Variants in CACNA1B observed in about 807,000 individuals in gnomAD.
CACNA1B encodes calcium voltage-gated channel subunit alpha1 B.
CACNA1B carries 70 observed loss-of-function variants against 247.2 expected under a neutral mutation model. That is an observed-to-expected ratio of 0.28 (90% CI 0.23 to 0.35). The LOEUF is 0.35. Ranked by LOEUF, CACNA1B falls within the 10% of genes least tolerant of loss-of-function variation. The probability of loss-of-function intolerance (pLI) is 1.00; values close to 1 mark genes in which losing one functional copy is unlikely to be tolerated. For missense variants in CACNA1B, 2,367 were observed against 3,197.4 expected (o/e 0.74, Z 6.26); for synonymous variants, 1,231 against 1,294.4 (o/e 0.95, Z 1.05).
At chr9:137,878,339 G>C (rs922232925) in intron 1 of CACNA1B, 122 bp downstream of exon 1, 1 of 895,000 alleles carries the variant, frequency 1.1e-6, no homozygotes. Flanking sequence ...ACGGGCGAGG[G>C]GGGTACGGAG....
At chr9:137,953,967 A>C (rs1410442515) in intron 7 of CACNA1B, among the ~76,000 whole-genome samples, 1 of 152,112 alleles carries the variant, frequency 6.6e-6, no homozygotes, top group South Asian at 2.1e-4. Flanking sequence ...GCAGGAGAGC[A>C]GCCTGCTCAG....
rs551169685 is a variant in CACNA1B at position 137,959,889 on chromosome 9, C to T, written c.1333+2202C>T. Among the ~76,000 whole-genome samples, 53 of 152,226 alleles carry T rather than the reference C, an allele frequency of 3.5e-4. 2 individuals are homozygous for T. The South Asian group carries it at 0.011, about 32-fold the overall frequency. ...AAATAAGATAGTAAGGAAAATAGGC[C>T]GCATGCCAGAGCCCCTGTCCGGAGG... On this transcript the variant is annotated intron_variant, in intron 10 of 46. Coordinates refer to ENST00000371372, the MANE Select transcript of CACNA1B (RefSeq NM_000718.4).
At chr9:137,898,303 G>A (rs1957194655) in intron 3 of CACNA1B, among the ~76,000 whole-genome samples, 1 of 152,108 alleles carries the variant, frequency 6.6e-6, no homozygotes, top group Non-Finnish European at 1.5e-5. Context: ...TTATCTTTGA[G>A]TTGATCCTGT....
intron 37 of CACNA1B, among the ~76,000 whole-genome samples, chr9:138,097,877 G>A (rs1232306626): frequency 6.6e-6 from 1 of 152,196 alleles, no homozygotes; most frequent in Non-Finnish European, 1.5e-5. Flanking sequence ...AGGCCTGGGA[G>A]CCCGACTAGA....
chr9:137,967,136 C>T (rs956667193), intron 10 of CACNA1B, among the ~76,000 whole-genome samples: 1 of 152,114 alleles, frequency 6.6e-6, no homozygotes, highest in Non-Finnish European at 1.5e-5. Flanking sequence ...CTTATTTTTA[C>T]TCTCTAATTC....
At chr9:138,062,983 T>A (rs888266953) in intron 31 of CACNA1B, among the ~76,000 whole-genome samples, 1 of 152,268 alleles carries the variant, frequency 6.6e-6, no homozygotes, top group Non-Finnish European at 1.5e-5. Flanking sequence ...GTCCTTGTCC[T>A]GGCATAGCCC....
rs929110566 is a variant in CACNA1B, at chr9:137,914,431, A to G, written c.623-223A>G. 4.0e-5 allele frequency among the ~76,000 whole-genome samples: 6 copies of G among 151,278 alleles called. No individual in the cohort carries two copies. Among genetic ancestry groups the G allele is most frequent in the African/African-American group, 7.3e-5 (3 of 41,084 alleles). ...ACTTCTCAGTCGACTTCTCTCTAGG[A>G]CCTTATGCTTTGTCCCTAGGACTCT... On this transcript the variant is annotated intron_variant, in intron 4 of 46. Transcript: ENST00000371372. This position sits in a 1 kb window ranked among gnomAD's most constrained non-coding sequence, Gnocchi z 4.3.
At chr9:138,029,849 A>C (rs1372653849) in intron 20 of CACNA1B, among the ~76,000 whole-genome samples, 1 of 152,096 alleles carries the variant, frequency 6.6e-6, no homozygotes, top group Non-Finnish European at 1.5e-5. Flanking sequence ...TCCTGACCTC[A>C]AGTGATCTGC....
chr9:138,000,408 T>A (rs147782692), intron 15 of CACNA1B, among the ~76,000 whole-genome samples: 1,742 of 152,268 alleles, frequency 0.011, 30 homozygotes, highest in African/African-American at 0.039. Flanking sequence ...AAAACATGCA[T>A]TTTTATAGGA....
At chr9:138,071,883 A>C (rs1405655566) in intron 32 of CACNA1B, among the ~76,000 whole-genome samples, 1 of 151,838 alleles carries the variant, frequency 6.6e-6, no homozygotes, top group Non-Finnish European at 1.5e-5. Context: ...AAGGTTTCAG[A>C]GTGGGAGCCT....
intron 6 of CACNA1B, among the ~76,000 whole-genome samples, chr9:137,918,128 G>A (rs1026714269): frequency 2.6e-5 from 4 of 152,118 alleles, no homozygotes; most frequent in East Asian, 3.9e-4. Context: ...TGGTCTCCTC[G>A]CTCTCATCAG....
intron 32 of CACNA1B, among the ~76,000 whole-genome samples, chr9:138,071,564 C>T (rs539769503): frequency 6.6e-6 from 1 of 152,312 alleles, no homozygotes; most frequent in Admixed American, 6.5e-5. Context: ...TCTCCTGCCC[C>T]CAGCCTCTCC....
At chr9:138,092,947 T>C (rs1184974464) in intron 36 of CACNA1B, among the ~76,000 whole-genome samples, 1 of 152,164 alleles carries the variant, frequency 6.6e-6, no homozygotes, top group East Asian at 1.9e-4. Context: ...AGAGAAAATA[T>C]TGCAAACTAT....
intron 42 of CACNA1B, among the ~76,000 whole-genome samples, chr9:138,117,414 T>C (rs935798667): frequency 1.4e-5 from 2 of 147,902 alleles, no homozygotes; most frequent in Non-Finnish European, 3.0e-5. Context: ...GTCCCCTCCA[T>C]GACAGCTTTG....
At chr9:137,992,966 T>TA (rs1229436876) in intron 15 of CACNA1B, among the ~76,000 whole-genome samples, 1 of 152,076 alleles carries the variant, frequency 6.6e-6, no homozygotes, top group Non-Finnish European at 1.5e-5. Flanking sequence ...GATGCAAATT[T>TA]AAAAAAATCT....
chr9:137,967,155 C>T (rs185387916), intron 10 of CACNA1B, among the ~76,000 whole-genome samples: 1 of 152,230 alleles, frequency 6.6e-6, no homozygotes, highest in Admixed American at 6.5e-5. Context: ...TCTTCTGTTC[C>T]ACAAAAGGTT....
rs939505117 is a variant in CACNA1B at position 138,050,814 on chromosome 9, G to A, written c.3711-1278G>A. Among the ~76,000 whole-genome samples the A allele has an allele frequency of 9.2e-5, 14 of 152,290 alleles. No individual in the cohort carries two copies. The highest frequency in any genetic ancestry group is 1.9e-4 in the Non-Finnish European group (13 of 68,020). On this transcript the variant is annotated intron_variant, in intron 24 of 46. Transcript: ENST00000371372. This position sits in a 1 kb window ranked among gnomAD's most constrained non-coding sequence, Gnocchi z 5.2. ...GGGTGTCGGGAGCACTGGGGTGATG[G>A]AGACAGGAGGCTGGGTTCTTCCCAC... is the stretch of plus-strand genomic sequence containing the variant.
intron 6 of CACNA1B, among the ~76,000 whole-genome samples, chr9:137,930,577 C>T (rs7036624): frequency 0.032 from 4,869 of 152,200 alleles, 248 homozygotes; most frequent in African/African-American, 0.11. Context: ...CTGTTGTGTG[C>T]TGCATGTACA....
intron 3 of CACNA1B, among the ~76,000 whole-genome samples, chr9:137,907,936 C>A (rs1005893970): frequency 1.3e-5 from 2 of 152,214 alleles, no homozygotes; most frequent in African/African-American, 4.8e-5. Context: ...GGCTGCTCCA[C>A]CCTTTTTCCA....
Sources: allele counts gnomAD v4.1 joint callset (sites outside exome capture counted in the v4.1 genomes callset), GRCh38; gene constraint gnomAD v4.1.1; non-coding constraint Gnocchi (gnomAD v3.1); transcripts MANE v1.5; gene names NCBI Gene and HGNC (gene_info 2026-07-23, HGNC 2026-07-21).